RIMS1: variants seen among roughly 807,000 people sequenced by gnomAD.
RIMS1 encodes regulating synaptic membrane exocytosis protein 1.
Under a neutral mutation model 214.1 loss-of-function variants are expected in RIMS1, and 83 were observed. That is an observed-to-expected ratio of 0.39 (90% CI 0.32 to 0.47). RIMS1 has a LOEUF of 0.47. Among genes scored for constraint, RIMS1 ranks in the 20% least tolerant of loss-of-function variants. RIMS1 has a pLI of 0.99. For missense variants in RIMS1, 2,050 were observed against 2,161.8 expected, an observed-to-expected ratio of 0.95 and a Z score of 1.03; for synonymous variants, 793 against 786.8, an observed-to-expected ratio of 1.01 and a Z score of -0.13.
chr6:72,103,823 G>A (rs1410021506), intron 4 of RIMS1, among the ~76,000 whole-genome samples: 2 of 152,010 alleles, frequency 1.3e-5, no homozygotes, highest in East Asian at 3.9e-4. Context: ...TTTTGATTAG[G>A]AGCCATCATA....
intron 28 of RIMS1, among the ~76,000 whole-genome samples, chr6:72,327,672 C>CT: frequency 6.6e-6 from 1 of 151,634 alleles, no homozygotes; most frequent in Non-Finnish European, 1.5e-5. Flanking sequence ...TCTAGTCAAC[C>CT]TTTGTTATTG....
intron 4 of RIMS1, among the ~76,000 whole-genome samples, chr6:72,116,765 A>G (rs1314019302): frequency 6.6e-6 from 1 of 152,002 alleles, no homozygotes; most frequent in Admixed American, 6.6e-5. Context: ...GTCATGAAAT[A>G]TCAATTTTTA....
intron 1 of RIMS1, among the ~76,000 whole-genome samples, chr6:71,908,662 G>T (rs1775993095): frequency 6.6e-6 from 1 of 152,224 alleles, no homozygotes; most frequent in Non-Finnish European, 1.5e-5. Flanking sequence ...TAGAAAGGAA[G>T]AGGATGCTGC....
chr6:72,145,063 G>A (rs1344603492), intron 4 of RIMS1, among the ~76,000 whole-genome samples: 1 of 151,894 alleles, frequency 6.6e-6, no homozygotes. Flanking sequence ...AATCATAATA[G>A]AACTGAGTTG....
At chr6:72,370,731 A>G (rs2098190028) in intron 29 of RIMS1, among the ~76,000 whole-genome samples, 1 of 152,226 alleles carries the variant, frequency 6.6e-6, no homozygotes, top group African/African-American at 2.4e-5. Flanking sequence ...TAGAAAGCAG[A>G]CATAAATATT....
At chr6:72,367,065 A>C (rs1317938831) in intron 29 of RIMS1, among the ~76,000 whole-genome samples, 1 of 152,242 alleles carries the variant, frequency 6.6e-6, no homozygotes, top group Non-Finnish European at 1.5e-5. Flanking sequence ...AAAATTATGC[A>C]GTGGACGAAA....
rs966463685 is a variant in RIMS1, at chr6:72,160,576, G to A, written c.472-18999G>A. 2.1e-4 allele frequency among the ~76,000 whole-genome samples: 29 copies of A among 140,224 alleles called. 1 individual carries two copies. The highest frequency in any genetic ancestry group is 6.9e-4 in the African/African-American group (28 of 40,650). 92.0% of individuals were successfully genotyped at this position (140,224 alleles called of 152,430 possible). A position where few individuals can be genotyped will look rare whatever the true frequency, so the allele number is the denominator to read the frequency against. ...GCATCCCATCAATACCTAATTTATT[G>A]AGAGTTTTTAGCATGAAGGGCTGTT... On this transcript the variant is annotated intron_variant, in intron 4 of 33. Transcript: ENST00000521978.
chr6:72,018,978 T>C (rs1813675960), intron 2 of RIMS1, among the ~76,000 whole-genome samples: 1 of 152,194 alleles, frequency 6.6e-6, no homozygotes, highest in Admixed American at 6.5e-5. Flanking sequence ...ACTGGCTTTT[T>C]AGATGACCTG....
intron 31 of RIMS1, among the ~76,000 whole-genome samples, chr6:72,396,684 A>T (rs1405959002): frequency 1.3e-5 from 2 of 152,200 alleles, no homozygotes; most frequent in East Asian, 3.8e-4. Flanking sequence ...AATATTACTA[A>T]GTGAAGAAGG....
intron 29 of RIMS1, among the ~76,000 whole-genome samples, chr6:72,342,026 T>C (rs2097110567): frequency 6.6e-6 from 1 of 151,838 alleles, no homozygotes; most frequent in Non-Finnish European, 1.5e-5. Flanking sequence ...GCTTCTTTAG[T>C]AATAGGTATT....
At chr6:72,317,133 C>A in intron 28 of RIMS1, 1 of 384,474 alleles carries the variant, frequency 2.6e-6, no homozygotes, top group Non-Finnish European at 5.0e-6. Flanking sequence ...CTGGGCTGCT[C>A]TGTGGCACCA....
chr6:71,957,007 C>T (rs1791496002), intron 1 of RIMS1, among the ~76,000 whole-genome samples: 1 of 152,108 alleles, frequency 6.6e-6, no homozygotes, highest in African/African-American at 2.4e-5. Context: ...AGATAATTTG[C>T]CCTGAATTTC....
intron 10 of RIMS1, among the ~76,000 whole-genome samples, chr6:72,244,047 G>A (rs2068226427): frequency 6.7e-6 from 1 of 150,202 alleles, no homozygotes; most frequent in East Asian, 1.9e-4. Flanking sequence ...ATTTAATGTA[G>A]TCCTGTTTAA....
At chr6:72,271,286 A>AAAAATAT (rs1417580438) in intron 22 of RIMS1, among the ~76,000 whole-genome samples, 21 of 44,400 alleles carry the variant, frequency 4.7e-4, no homozygotes, top group South Asian at 8.7e-4. Flanking sequence ...AAAAAAAAAA[A>AAAAATAT]ATATATATAT....
intron 29 of RIMS1, among the ~76,000 whole-genome samples, chr6:72,349,048 A>G (rs2097359914): frequency 6.6e-6 from 1 of 151,970 alleles, no homozygotes; most frequent in South Asian, 2.1e-4. Flanking sequence ...ACTGCTTTTC[A>G]AGTAAGCTAG....
At chr6:72,292,819 A>G (rs2093600432) in intron 26 of RIMS1, among the ~76,000 whole-genome samples, 1 of 152,126 alleles carries the variant, frequency 6.6e-6, no homozygotes, top group African/African-American at 2.4e-5. Flanking sequence ...AATAATTTCT[A>G]CTTTGGGATT....
chr6:72,050,062 A>C (rs2152130013), intron 2 of RIMS1, among the ~76,000 whole-genome samples: 1 of 152,272 alleles, frequency 6.6e-6, no homozygotes, highest in South Asian at 2.1e-4. Context: ...TTAATTAGTG[A>C]TAAAGAGTTT....
intron 4 of RIMS1, among the ~76,000 whole-genome samples, chr6:72,131,990 A>G (rs1251498916): frequency 1.3e-5 from 2 of 152,218 alleles, no homozygotes; most frequent in South Asian, 4.1e-4. Flanking sequence ...ACTGGCGGTC[A>G]GAGTTTAAGG....
intron 6 of RIMS1, among the ~76,000 whole-genome samples, chr6:72,229,281 A>G (rs2061243161): frequency 6.6e-6 from 1 of 151,804 alleles, no homozygotes; most frequent in Non-Finnish European, 1.5e-5. Flanking sequence ...GTATTTGAGG[A>G]CCAGTATTTT....
Sources: allele counts gnomAD v4.1 joint callset (sites outside exome capture counted in the v4.1 genomes callset), GRCh38; gene constraint gnomAD v4.1.1; transcripts MANE v1.5; gene names NCBI Gene and HGNC (gene_info 2026-07-23, HGNC 2026-07-21).